PARD3B: variants seen among roughly 807,000 people sequenced by gnomAD.
PARD3B encodes par-3 family cell polarity regulator beta.
PARD3B carries 103 observed loss-of-function variants against 130.2 expected under a neutral mutation model. The ratio of observed to expected loss-of-function variants is 0.79; its 90% CI spans 0.67 to 0.93. PARD3B has a LOEUF of 0.93. Ranked by LOEUF, PARD3B falls within the 40% of genes least tolerant of loss-of-function variation. The probability of loss-of-function intolerance (pLI) is 0.00; values close to 1 mark genes in which losing one functional copy is unlikely to be tolerated. For missense variants in PARD3B, 1,609 were observed against 1,499.2 expected (o/e 1.07, Z -1.21); for synonymous variants, 583 against 553.2 (o/e 1.05, Z -0.76).
intron 21 of PARD3B, among the ~76,000 whole-genome samples, chr2:205,534,113 T>C (rs897825257): frequency 9.3e-5 from 14 of 150,568 alleles, no homozygotes; most frequent in Non-Finnish European, 1.8e-4. Flanking sequence ...GGTTTATAAC[T>C]ATTATTTCAC....
Position 205,301,820 on chromosome 2 carries a change from C to T in PARD3B, c.2630+119C>T, listed in dbSNP as rs776396097. On this transcript the variant is annotated intron_variant, in intron 18 of 22. Transcript: ENST00000406610. This position sits in a 1 kb window ranked among gnomAD's most constrained non-coding sequence, Gnocchi z 5.2. ...TTCCTCGTCTTCAGCCAAATGCATA[C>T]GGCTCTCAATTCTGTGCTCGTTCTC... The T allele has an allele frequency of 4.0e-5, 58 of 1,464,548 alleles. No individual in the cohort carries two copies. The Middle Eastern group carries it at 1.0e-3, about 26-fold the overall frequency. The allele number at this position is 1,464,548 out of a possible 1,614,324, so 90.7% of individuals were successfully genotyped here.
intron 2 of PARD3B, among the ~76,000 whole-genome samples, chr2:204,700,997 T>TAAA (rs1252513964): frequency 6.6e-6 from 1 of 152,102 alleles, no homozygotes; most frequent in Non-Finnish European, 1.5e-5. Context: ...TAGTCATTAT[T>TAAA]AAAAGTTGGG....
intron 22 of PARD3B, among the ~76,000 whole-genome samples, chr2:205,557,148 G>T (rs2052925747): frequency 6.6e-6 from 1 of 152,176 alleles, no homozygotes; most frequent in African/African-American, 2.4e-5. Context: ...AGGCACTGCA[G>T]CTCTTCTGTG....
At chr2:204,750,815 T>G (rs193227663) in intron 2 of PARD3B, among the ~76,000 whole-genome samples, 113 of 152,338 alleles carry the variant, frequency 7.4e-4, no homozygotes, top group Non-Finnish European at 1.2e-3. Flanking sequence ...TTTTAAAGTG[T>G]GAGCACACAT....
intron 2 of PARD3B, among the ~76,000 whole-genome samples, chr2:204,896,361 C>T (rs1053837178): frequency 1.4e-4 from 21 of 152,050 alleles, no homozygotes; most frequent in Middle Eastern, 3.2e-3. Context: ...TATCTAGAGG[C>T]GCTGTGCTGC....
At chr2:205,226,294 G>A (rs533059773) in intron 15 of PARD3B, among the ~76,000 whole-genome samples, 1 of 152,146 alleles carries the variant, frequency 6.6e-6, no homozygotes, top group African/African-American at 2.4e-5. Flanking sequence ...GCCCGCCTTG[G>A]CCTCCCAAGT....
chr2:205,463,069 A>AT lies in PARD3B; in HGVS notation c.3044+22405dup, dbSNP rs960814144. Among the ~76,000 whole-genome samples the AT allele has an allele frequency of 6.6e-6, 1 of 151,742 alleles. No individual in the cohort carries two copies. The highest frequency in any genetic ancestry group is 2.4e-5 in the African/African-American group (1 of 41,270). On this transcript the variant is annotated intron_variant, in intron 20 of 22. Transcript: ENST00000406610. The surrounding 1 kb of genome is among the most constrained non-coding windows in gnomAD (Gnocchi z 4.8). ...GTCATCTCAGCATCAACTGACAATTATTTTTTTTGCCCTCAATATCCTTCC... is the reference window on the plus strand; with the variant it reads ...GTCATCTCAGCATCAACTGACAATTATTTTTTTTTGCCCTCAATATCCTTCC...
chr2:204,865,796 T>C (rs1284713495), intron 2 of PARD3B, among the ~76,000 whole-genome samples: 1 of 152,018 alleles, frequency 6.6e-6, no homozygotes, highest in Admixed American at 6.6e-5. Flanking sequence ...GAAAAAGAAA[T>C]AGTGATATAG....
chr2:205,370,849 C>G (rs994365428), intron 18 of PARD3B, among the ~76,000 whole-genome samples: 1 of 151,694 alleles, frequency 6.6e-6, no homozygotes, highest in Non-Finnish European at 1.5e-5. Context: ...TGATGTTTGC[C>G]TTGGCTTGAC....
chr2:204,623,704 A>G lies in PARD3B; in HGVS notation c.121-62477A>G, dbSNP rs1298996815. On this transcript the variant is annotated intron_variant, in intron 1 of 22. Coordinates refer to ENST00000406610, the MANE Select transcript of PARD3B (RefSeq NM_001302769.2). This position sits in a 1 kb window ranked among gnomAD's most constrained non-coding sequence, Gnocchi z 4.5. ...ACACTTTTGAACACATTTTAAGTAT[A>G]TAATACAGCAGTATTAACTATTGGC... Among the ~76,000 whole-genome samples the G allele has an allele frequency of 6.6e-6, 1 of 152,162 alleles. No individual in the cohort carries two copies. Among genetic ancestry groups the G allele is most frequent in the African/African-American group, 2.4e-5 (1 of 41,448 alleles).
At position 205,007,332 on chromosome 2, in the gene PARD3B, T is replaced by A. The variant is rs558406958; in HGVS notation, c.395-40249T>A. ...GCAGTTCTTTATAGGAGTGTGAAAA[T>A]GGACTAATACGCCATCTTGAGTTTA... is the stretch of plus-strand genomic sequence containing the variant. On this transcript the variant is annotated intron_variant, in intron 3 of 22. Transcript: ENST00000406610. 7.5e-4 allele frequency among the ~76,000 whole-genome samples: 114 copies of A among 152,192 alleles called. 2 individuals are homozygous for A. The highest frequency in any genetic ancestry group is 1.5e-3 in the Admixed American group (23 of 15,272).
At chr2:204,885,525 A>G in intron 2 of PARD3B, among the ~76,000 whole-genome samples, 1 of 152,184 alleles carries the variant, frequency 6.6e-6, no homozygotes, top group Admixed American at 6.5e-5. Context: ...TAATCATGGC[A>G]CATGTTTTGC....
chr2:204,674,889 A>G (rs1268692771), intron 1 of PARD3B, among the ~76,000 whole-genome samples: 1 of 152,250 alleles, frequency 6.6e-6, no homozygotes, highest in Non-Finnish European at 1.5e-5. Context: ...AATTGGAGAT[A>G]TTAAGTAAAC....
intron 3 of PARD3B, among the ~76,000 whole-genome samples, chr2:205,019,847 G>C (rs1426096888): frequency 6.6e-6 from 1 of 152,184 alleles, no homozygotes; most frequent in East Asian, 1.9e-4. Flanking sequence ...AAGTTGGTTA[G>C]AGAACTGTCT....
At chr2:204,958,676 C>T (rs749252346) in intron 2 of PARD3B, among the ~76,000 whole-genome samples, 2 of 152,118 alleles carry the variant, frequency 1.3e-5, no homozygotes, top group Admixed American at 6.5e-5. Flanking sequence ...TTAAATTTAA[C>T]CTTTCATTGT....
intron 18 of PARD3B, among the ~76,000 whole-genome samples, chr2:205,310,216 C>G (rs906881065): frequency 6.6e-6 from 1 of 151,474 alleles, no homozygotes; most frequent in Non-Finnish European, 1.5e-5. Flanking sequence ...TCCCAAGTAG[C>G]TGGGACTACA....
intron 1 of PARD3B, among the ~76,000 whole-genome samples, chr2:204,594,025 TG>T (rs1447573335): frequency 6.6e-6 from 1 of 152,190 alleles, no homozygotes. Context: ...TGCCACACAG[TG>T]GTTCCATCAA....
intron 20 of PARD3B, among the ~76,000 whole-genome samples, chr2:205,479,168 T>C (rs1488372677): frequency 6.6e-6 from 1 of 152,176 alleles, no homozygotes; most frequent in Non-Finnish European, 1.5e-5. Flanking sequence ...AAAAAGAAAG[T>C]TCTCCAGGCA....
rs537410485 is a variant in PARD3B at position 204,957,880 on chromosome 2, G to A, written c.223-7272G>A. On this transcript the variant is annotated intron_variant, in intron 2 of 22. Coordinates refer to ENST00000406610, the MANE Select transcript of PARD3B (RefSeq NM_001302769.2). ...GTGTTTATTAAGATTTGAGACAAAC[G>A]ATTCCAATTTTATTTTATAGGATAC... 5.3e-5 allele frequency among the ~76,000 whole-genome samples: 8 copies of A among 152,106 alleles called. No homozygotes were observed. In the South Asian group the frequency reaches 1.0e-3, roughly 20 times the overall value.
Sources: gnomAD v4.1 joint callset for allele counts (sites outside exome capture counted in the v4.1 genomes callset) on GRCh38, gnomAD v4.1.1 for gene constraint, Gnocchi (gnomAD v3.1) non-coding constraint, MANE v1.5 for transcripts, NCBI Gene and HGNC (gene_info 2026-07-23, HGNC 2026-07-21) for gene names.